The following WDR62 variants were observed in gnomAD, a reference collection of about 807,000 sequenced individuals.
WDR62 encodes the protein WD repeat domain 62, also known as WD repeat-containing protein 62.
A neutral mutation model predicts 160.6 loss-of-function variants in WDR62; 112 were observed. The observed-to-expected ratio is 0.70, with a 90% CI of 0.60 to 0.82. The LOEUF (loss-of-function observed/expected upper bound fraction) is 0.82. Among genes scored for constraint, WDR62 ranks in the 40% least tolerant of loss-of-function variants. The pLI is 0.00. For missense variants in WDR62, 1,819 were observed against 1,983.8 expected (o/e 0.92, Z 1.58); for synonymous variants, 792 against 815.1 (o/e 0.97, Z 0.48).
chr19:36,103,705 G>C lies in WDR62; in HGVS notation c.3877G>C (p.Ala1293Pro). The C allele has an allele frequency of 6.2e-7, 1 of 1,610,626 alleles. No homozygotes were observed. The highest frequency in any genetic ancestry group is 8.5e-7 in the Non-Finnish European group (1 of 1,179,994). Reference sequence around the variant, plus strand: ...CCTGCGTTCCTGGGGCAACCACGAGGCCCGGGCCAACCTGAGACTGACCCT... The same window carrying C: ...CCTGCGTTCCTGGGGCAACCACGAGCCCCGGGCCAACCTGAGACTGACCCT... Reference protein sequence around the residue: ...PALRSWGNHEARANLRLTLSS... With the variant: ...PALRSWGNHEPRANLRLTLSS... The change falls in exon 30 of 32, where the codon GCC becomes CCC. Residue 1293 changes from alanine to proline, a missense_variant. Physicochemically the swap from Ala to Pro is conservative, Grantham distance 27. Coordinates refer to ENST00000401500, the MANE Select transcript of WDR62 (RefSeq NM_001083961.2).
chr19:36,103,830 G>C lies in WDR62; in HGVS notation c.4002G>C (p.Glu1334Asp). ...TCCCAGCCCCTAGCCCTGTGGAAGA[G>C]AGCGCCCTGAGGCTCCACGGCTCTG... ...VSFPAPSPVE[E>D]SALRLHGSAF... Residue 1334 changes from glutamate to aspartate, a missense_variant, in exon 30 of 32, where the codon GAG (glutamate) becomes GAC (aspartate). Physicochemically the swap from Glu to Asp is conservative, Grantham distance 45. Coordinates refer to ENST00000401500, the MANE Select transcript of WDR62 (RefSeq NM_001083961.2). The C allele has an allele frequency of 5.6e-6, 9 of 1,606,240 alleles. No homozygotes were observed. The highest frequency in any genetic ancestry group is 7.6e-6 in the Non-Finnish European group (9 of 1,179,466).
chr19:36,090,216 T>C (rs1241107308), intron 15 of WDR62, among the ~76,000 whole-genome samples: 1 of 152,192 alleles, frequency 6.6e-6, no homozygotes, highest in Non-Finnish European at 1.5e-5. Context: ...TTCTTTCTCA[T>C]GCGGTGCCAA....
At chr19:36,061,669 G>A (rs1362958898) in intron 3 of WDR62, 6 of 152,176 alleles carry the variant, frequency 3.9e-5, no homozygotes, top group Admixed American at 3.9e-4. Flanking sequence ...TGGTATGCAG[G>A]TGTCCGCCCT....
chr19:36,084,876 C>T, intron 12 of WDR62, 132 bp downstream of exon 12: 1 of 817,388 alleles, frequency 1.2e-6, no homozygotes, highest in Non-Finnish European at 2.0e-6. Flanking sequence ...GGTAAGGGCC[C>T]CTGTAGCTGG....
chr19:36,092,360 A>G (rs1309381046), intron 18 of WDR62, among the ~76,000 whole-genome samples: 1 of 151,986 alleles, frequency 6.6e-6, no homozygotes, highest in Non-Finnish European at 1.5e-5. Context: ...GAGATGATAT[A>G]CATACATTCT....
chr19:36,077,502 G>T (rs1040981468), intron 9 of WDR62, among the ~76,000 whole-genome samples: 1 of 151,840 alleles, frequency 6.6e-6, no homozygotes, highest in Non-Finnish European at 1.5e-5. Context: ...GGATGGTCTC[G>T]ATCTCCTGAC....
chr19:36,068,626 T>C (rs1014504816), intron 7 of WDR62, among the ~76,000 whole-genome samples: 1 of 152,236 alleles, frequency 6.6e-6, no homozygotes, highest in Non-Finnish European at 1.5e-5. Context: ...TTAATGCATT[T>C]AACCCTGAAT....
downstream of WDR62, among the ~76,000 whole-genome samples, chr19:36,107,300 G>C (rs902446833): frequency 6.6e-6 from 1 of 152,198 alleles, no homozygotes. Flanking sequence ...TTTTGCAATT[G>C]TTGGCTTTCC....
chr19:36,084,148 G>A (rs1433290081), intron 11 of WDR62, among the ~76,000 whole-genome samples: 1 of 152,146 alleles, frequency 6.6e-6, no homozygotes, highest in Admixed American at 6.5e-5. Flanking sequence ...TTGGCACAAG[G>A]TGTCTGGAGT....
At chr19:36,092,107 T>A (rs1972651358) in intron 18 of WDR62, among the ~76,000 whole-genome samples, 1 of 151,972 alleles carries the variant, frequency 6.6e-6, no homozygotes. Context: ...GGTCAGGAGT[T>A]CAAGACCAGC....
At position 36,090,407 on chromosome 19, in the gene WDR62, G is replaced by A. The variant is rs1424239510; in HGVS notation, c.1959-38G>A. ...CAGAGAATGAGGTGGTGGGGTAGGCGGGGCCCTGTTGGCCGCAACATGCCC... is the reference window on the plus strand; with the variant it reads ...CAGAGAATGAGGTGGTGGGGTAGGCAGGGCCCTGTTGGCCGCAACATGCCC... On this transcript the variant is annotated intron_variant, in intron 15 of 31. Coordinates refer to ENST00000401500, the MANE Select transcript of WDR62 (RefSeq NM_001083961.2). 15 of 1,603,714 alleles carry A rather than the reference G, an allele frequency of 9.4e-6. No homozygotes were observed. In the African/African-American group the frequency reaches 9.4e-5, roughly 10 times the overall value.
Position 36,054,929 on chromosome 19 carries a change from C to T in WDR62, c.-43C>T. 1.3e-6 allele frequency: 2 copies of T among 1,551,700 alleles called. No homozygotes were observed. Among genetic ancestry groups the T allele is most frequent in the Non-Finnish European group, 8.7e-7 (1 of 1,150,216 alleles). ...CAGTGGGTCGTGGCGGTGGCGGCAGCGGCGGTTAGGGGATGTAACGGTCGC... is the reference window on the plus strand; with the variant it reads ...CAGTGGGTCGTGGCGGTGGCGGCAGTGGCGGTTAGGGGATGTAACGGTCGC... On this transcript the variant is annotated 5_prime_UTR_variant, in exon 1 of 32. Coordinates refer to ENST00000401500, the MANE Select transcript of WDR62 (RefSeq NM_001083961.2).
chr19:36,096,923 G>T, intron 20 of WDR62, 104 bp from the exon 21 acceptor site: 1 of 1,040,360 alleles, frequency 9.6e-7, no homozygotes, highest in South Asian at 1.4e-5. Flanking sequence ...TGAGCCTTCT[G>T]ACTTCTGGGT....
At chr19:36,056,563 A>G (rs1383575262) in intron 1 of WDR62, among the ~76,000 whole-genome samples, 1 of 152,120 alleles carries the variant, frequency 6.6e-6, no homozygotes, top group African/African-American at 2.4e-5. Flanking sequence ...CTCGAACCCC[A>G]TTCTAAAGCA....
At chr19:36,109,800 T>A (rs898366735), downstream of WDR62, among the ~76,000 whole-genome samples, 1 of 151,314 alleles carries the variant, frequency 6.6e-6, no homozygotes. Context: ...ACGCCTGTAA[T>A]CCCAGCACTT....
intron 7 of WDR62, among the ~76,000 whole-genome samples, chr19:36,069,652 G>A (rs1291998067): frequency 6.6e-6 from 1 of 152,258 alleles, no homozygotes; most frequent in Non-Finnish European, 1.5e-5. Context: ...CTGGGAGGTG[G>A]AGGTTGTAGC....
At position 36,083,385 on chromosome 19, in the gene WDR62, C is replaced by T. The variant is rs963977684; in HGVS notation, c.1550+144C>T. The T allele has an allele frequency of 4.6e-6, 4 of 877,734 alleles. No homozygotes were observed. In the Admixed American group the frequency reaches 8.2e-5, roughly 18 times the overall value. 54.4% of individuals were successfully genotyped at this position (877,734 alleles called of 1,614,324 possible). A position where few individuals can be genotyped will look rare whatever the true frequency, so the allele number is the denominator to read the frequency against. On this transcript the variant is annotated intron_variant, in intron 11 of 31. Transcript: ENST00000401500. ...TGAATAGTAATCCCATGAACAGCTC[C>T]CATTGGGAACTTAAGCTCGTAAGAG... is the stretch of plus-strand genomic sequence containing the variant.
intron 9 of WDR62, among the ~76,000 whole-genome samples, chr19:36,077,265 T>A (rs1250891914): frequency 7.6e-6 from 1 of 131,906 alleles, no homozygotes. Context: ...CTTTCCTTCC[T>A]TCCTTCCTTC....
rs775503290 is a variant in WDR62 at position 36,103,595 on chromosome 19, G to A, written c.3767G>A (p.Gly1256Glu). The change falls in exon 30 of 32, where the codon GGG (glycine) becomes GAG (glutamate). Residue 1256 changes from glycine (G) to glutamate (E), a missense_variant. Transcript: ENST00000401500. ...CCCCTCCGTAGGCCATCGTCCGTTGGGGAGCTGGCCTCCTTGGGCCAGGAG... is the reference window on the plus strand; with the variant it reads ...CCCCTCCGTAGGCCATCGTCCGTTGAGGAGCTGGCCTCCTTGGGCCAGGAG... ...AQPLRRPSSV[G>E]ELASLGQELQ... is the part of the protein sequence containing the mutation. 2 of 1,613,306 alleles carry A rather than the reference G, an allele frequency of 1.2e-6. No individual in the cohort carries two copies. Among genetic ancestry groups the A allele is most frequent in the East Asian group, 2.2e-5 (1 of 44,882 alleles).
Sources: gnomAD v4.1 joint callset for allele counts (sites outside exome capture counted in the v4.1 genomes callset) on GRCh38, gnomAD v4.1.1 for gene constraint, MANE v1.5 for transcripts, NCBI Gene and HGNC (gene_info 2026-07-23, HGNC 2026-07-21) for gene names.